Variants in ADAM23 observed in about 807,000 individuals in gnomAD.
The protein encoded by ADAM23 is ADAM metallopeptidase domain 23, also known as disintegrin and metalloproteinase domain-containing protein 23.
A neutral mutation model predicts 120.1 loss-of-function variants in ADAM23; 33 were observed. The observed-to-expected ratio is 0.27, with a 90% CI of 0.21 to 0.37. ADAM23 has a LOEUF of 0.37. ADAM23 is among the 10% of genes least tolerant of loss of function. The pLI is 1.00. For missense variants in ADAM23, 862 were observed against 1,058.2 expected, an observed-to-expected ratio of 0.81 and a Z score of 2.57; for synonymous variants, 367 against 375.2, an observed-to-expected ratio of 0.98 and a Z score of 0.25.
chr2:206,498,697 C>T (rs536238602), intron 3 of ADAM23, among the ~76,000 whole-genome samples: 112 of 152,148 alleles, frequency 7.4e-4, no homozygotes, highest in African/African-American at 2.5e-3. Flanking sequence ...AAGAAACTAC[C>T]ATCAGAGTGA....
chr2:206,490,478 A>C (rs887697113), intron 3 of ADAM23, among the ~76,000 whole-genome samples: 1 of 152,190 alleles, frequency 6.6e-6, no homozygotes, highest in Non-Finnish European at 1.5e-5. Flanking sequence ...TTTCTTTTGC[A>C]TTTAGGTACT....
chr2:206,487,585 A>G (rs1303070893), intron 3 of ADAM23, among the ~76,000 whole-genome samples: 2 of 152,174 alleles, frequency 1.3e-5, no homozygotes, highest in East Asian at 3.9e-4. Flanking sequence ...TATTGCGTAT[A>G]TGTGGGTATT....
chr2:206,537,189 A>G (rs918058998), intron 4 of ADAM23, among the ~76,000 whole-genome samples: 2 of 152,016 alleles, frequency 1.3e-5, no homozygotes, highest in Non-Finnish European at 2.9e-5. Flanking sequence ...TTTCTTTATC[A>G]GTATAACCAC....
At chr2:206,477,891 AAAAAAAAT>A (rs1359751662) in intron 2 of ADAM23, among the ~76,000 whole-genome samples, 5 of 94,420 alleles carry the variant, frequency 5.3e-5, no homozygotes, top group African/African-American at 2.5e-4. Flanking sequence ...AAAAAAAAAA[AAAAAAAAT>A]ATATATATAT....
At chr2:206,503,122 G>T (rs887013029) in intron 3 of ADAM23, among the ~76,000 whole-genome samples, 2 of 152,072 alleles carry the variant, frequency 1.3e-5, no homozygotes, top group African/African-American at 4.8e-5. Context: ...CTGGTTTATT[G>T]GGCCAGTGTG....
chr2:206,567,147 T>G, intron 14 of ADAM23, 76 bp from the exon 15 acceptor site: 1 of 1,122,352 alleles, frequency 8.9e-7, no homozygotes, highest in Non-Finnish European at 1.3e-6. Flanking sequence ...TTTGTTCTAA[T>G]TTAGGGGTTT....
chr2:206,558,176 A>G (rs1213770860), intron 10 of ADAM23, among the ~76,000 whole-genome samples: 2 of 152,214 alleles, frequency 1.3e-5, no homozygotes, highest in African/African-American at 2.4e-5. Flanking sequence ...TTAGAACTCT[A>G]TAGATATGAA....
At chr2:206,565,266 G>A (rs1697854937) in intron 14 of ADAM23, among the ~76,000 whole-genome samples, 198 bp downstream of exon 14, 1 of 152,122 alleles carries the variant, frequency 6.6e-6, no homozygotes, top group Non-Finnish European at 1.5e-5. Context: ...GGTGATAAAA[G>A]TAAAATGTAT....
chr2:206,468,554 A>G (rs972456754), intron 2 of ADAM23, among the ~76,000 whole-genome samples: 8 of 152,172 alleles, frequency 5.3e-5, no homozygotes, highest in Admixed American at 2.0e-4. Context: ...ATCTCTGTTC[A>G]TGTCACTATG....
At chr2:206,477,913 TA>T in intron 2 of ADAM23, among the ~76,000 whole-genome samples, 1 of 141,926 alleles carries the variant, frequency 7.0e-6, no homozygotes, top group Non-Finnish European at 1.5e-5. Context: ...TATATATATA[TA>T]TATATATAAA....
At chr2:206,607,265 A>G (rs1698745413) in intron 24 of ADAM23, 1 of 152,266 alleles carries the variant, frequency 6.6e-6, no homozygotes, top group South Asian at 2.1e-4. Context: ...TAACAGGGAT[A>G]AAAATATTTA....
intron 18 of ADAM23, among the ~76,000 whole-genome samples, chr2:206,585,073 C>G (rs1278002319): frequency 6.6e-6 from 1 of 152,152 alleles, no homozygotes; most frequent in Admixed American, 6.5e-5. Context: ...TTGGGTGTCT[C>G]CTGGGTCCTG....
chr2:206,483,500 G>A (rs1921672), intron 3 of ADAM23, among the ~76,000 whole-genome samples: 4 of 151,900 alleles, frequency 2.6e-5, no homozygotes, highest in Admixed American at 1.3e-4. Flanking sequence ...TGAGGTTACC[G>A]AGGGAGGGTA....
chr2:206,499,384 A>G (rs1372685323), intron 3 of ADAM23, among the ~76,000 whole-genome samples: 1 of 151,334 alleles, frequency 6.6e-6, no homozygotes, highest in Non-Finnish European at 1.5e-5. Flanking sequence ...TCAGCAAACT[A>G]TCGCAAGGAC....
rs770675831 is a variant in ADAM23 at position 206,617,637 on chromosome 2, G to A, written c.*10G>A. The A allele has an allele frequency of 5.5e-5, 89 of 1,613,252 alleles. No individual in the cohort carries two copies. Among genetic ancestry groups the A allele is most frequent in the East Asian group, 2.2e-4 (10 of 44,848 alleles). On this transcript the variant is annotated 3_prime_UTR_variant, in exon 26 of 26. Transcript: ENST00000264377. ...GCAAGGCCCCATCTGAATCAGCTGC[G>A]CTGGATGGACACCGCCTTGCACTGT...
intron 9 of ADAM23, 70 bp downstream of exon 9, chr2:206,550,230 G>T: frequency 1.1e-6 from 1 of 933,496 alleles, no homozygotes; most frequent in Non-Finnish European, 1.5e-6. Context: ...TTACTTTATA[G>T]TTAATCATTA....
chr2:206,615,247 T>C (rs1698914138), intron 25 of ADAM23, among the ~76,000 whole-genome samples: 2 of 152,076 alleles, frequency 1.3e-5, no homozygotes, highest in South Asian at 4.2e-4. Context: ...ATGAAAGCTG[T>C]GAAAATGTAA....
At chr2:206,603,815 T>C (rs2105859603) in intron 24 of ADAM23, among the ~76,000 whole-genome samples, 1 of 152,284 alleles carries the variant, frequency 6.6e-6, no homozygotes, top group South Asian at 2.1e-4. Flanking sequence ...TCTTACAATT[T>C]CTAAAAAATT....
intron 10 of ADAM23, 148 bp downstream of exon 10, chr2:206,557,646 C>G: frequency 1.4e-6 from 1 of 726,410 alleles, no homozygotes. Flanking sequence ...TGGTCCGCTT[C>G]ACAGAGTAGT....
Sources: allele counts gnomAD v4.1 joint callset (sites outside exome capture counted in the v4.1 genomes callset), GRCh38; gene constraint gnomAD v4.1.1; transcripts MANE v1.5; gene names NCBI Gene and HGNC (gene_info 2026-07-23, HGNC 2026-07-21).